The following ZSWIM7 variants were observed in gnomAD, a reference collection of about 807,000 sequenced individuals.
ZSWIM7 encodes zinc finger SWIM domain-containing protein 7.
In ZSWIM7, 22 loss-of-function variants were observed where a neutral mutation model predicts 21.1. The ratio of observed to expected loss-of-function variants is 1.04; its 90% CI spans 0.74 to 1.49. The LOEUF is 1.49. Ranked by LOEUF, ZSWIM7 falls within the 40% of genes most tolerant of loss-of-function variation. The probability of loss-of-function intolerance (pLI) is 0.00; values close to 1 mark genes in which losing one functional copy is unlikely to be tolerated. For synonymous variants in ZSWIM7, 67 were observed against 66.5 expected (o/e 1.01, Z -0.04); for missense variants, 193 against 168.0 (o/e 1.15, Z -0.82).
intron 2 of ZSWIM7, among the ~76,000 whole-genome samples, chr17:15,992,371 A>T (rs1313509201): frequency 2.6e-5 from 4 of 151,326 alleles, no homozygotes; most frequent in African/African-American, 9.7e-5. Context: ...GCAAATAATG[A>T]TAATTGTCTT....
chr17:15,977,930 C>G lies in ZSWIM7; in HGVS notation c.*117G>C. On this transcript the variant is annotated 3_prime_UTR_variant, in exon 5 of 5. Coordinates refer to ENST00000399277, the MANE Select transcript of ZSWIM7 (RefSeq NM_001042697.2). The stretch of plus-strand genomic sequence containing the variant: ...CCTGCAGTCCTGGAGGGAAAAGGGA[C>G]AGTAACATGAAGTGTCTGAAGATCC... 1.2e-6 allele frequency: 1 copy of G among 853,686 alleles called. No homozygotes were observed. Among genetic ancestry groups the G allele is most frequent in the East Asian group, 2.5e-5 (1 of 39,800 alleles). 52.9% of individuals were successfully genotyped at this position (853,686 alleles called of 1,614,324 possible). A position where few individuals can be genotyped will look rare whatever the true frequency, so the allele number is the denominator to read the frequency against.
chr17:15,994,099 C>T (rs1597442280), intron 1 of ZSWIM7, among the ~76,000 whole-genome samples: 1 of 152,202 alleles, frequency 6.6e-6, no homozygotes, highest in Non-Finnish European at 1.5e-5. Flanking sequence ...CAGGCATGCA[C>T]TACCATGCCC....
At chr17:15,979,134 G>GGCCTTCC (rs1236656621) in intron 4 of ZSWIM7, among the ~76,000 whole-genome samples, 2 of 151,310 alleles carry the variant, frequency 1.3e-5, no homozygotes, top group Non-Finnish European at 2.9e-5. Context: ...AGGACCCTGC[G>GGCCTTCC]GCCTTCCGCA....
intron 1 of ZSWIM7, among the ~76,000 whole-genome samples, chr17:15,998,601 C>T (rs1221537449): frequency 6.6e-6 from 1 of 152,094 alleles, no homozygotes; most frequent in African/African-American, 2.4e-5. Flanking sequence ...CTAGCATACT[C>T]TGAACACATC....
rs577482378 is a variant in ZSWIM7, at chr17:15,985,668, T to A, written c.201+1598A>T. Among the ~76,000 whole-genome samples the A allele has an allele frequency of 1.6e-4, 25 of 152,186 alleles. 1 individual carries two copies. Among genetic ancestry groups the A allele is most frequent in the Non-Finnish European group, 2.6e-4 (18 of 68,040 alleles). On this transcript the variant is annotated intron_variant, in intron 3 of 4. Transcript: ENST00000399277. Reference sequence around the variant, plus strand: ...ATAAAGCAATGTAATATATACCAGATGTGAACGACAAAAACTAAACCAGTG... The same window carrying A: ...ATAAAGCAATGTAATATATACCAGAAGTGAACGACAAAAACTAAACCAGTG...
In ZSWIM7 at chr17:15,981,103, A is replaced by G. The variant is rs1425542193; in HGVS notation, c.243T>C (p.Ser81=). 1 of 1,613,902 alleles carries G rather than the reference A, an allele frequency of 6.2e-7. No homozygotes were observed. Among genetic ancestry groups the G allele is most frequent in the East Asian group, 2.2e-5 (1 of 44,882 alleles). Residue 81 remains serine, a synonymous_variant, in exon 4 of 5, where the codon TCT becomes TCC. Transcript: ENST00000399277. The part of the protein sequence containing the change: ...SSSKTYTCLA[S]CHYCSCPAFA... ...ATGCAGGACATGAACAGTAATGACA[A>G]GAAGCCAAACATGTGTATGTTTTAC...
At chr17:15,997,098 A>G (rs1432011378) in intron 1 of ZSWIM7, among the ~76,000 whole-genome samples, 1 of 151,940 alleles carries the variant, frequency 6.6e-6, no homozygotes, top group Non-Finnish European at 1.5e-5. Context: ...TAGGAGGTCA[A>G]AGCTACAGTG....
At chr17:15,987,130 A>T (rs1476139342) in intron 3 of ZSWIM7, 136 bp downstream of exon 3, 2 of 605,626 alleles carry the variant, frequency 3.3e-6, no homozygotes, top group Admixed American at 3.9e-5. Context: ...TCAATTCGTT[A>T]ATTTTACCAA....
At chr17:15,981,673 TCGA>T (rs1970357292) in intron 3 of ZSWIM7, among the ~76,000 whole-genome samples, 1 of 150,968 alleles carries the variant, frequency 6.6e-6, no homozygotes, top group Non-Finnish European at 1.5e-5. Context: ...CTTTGGGAGG[TCGA>T]GGTGGGAGGA....
intron 2 of ZSWIM7, among the ~76,000 whole-genome samples, chr17:15,988,877 G>A (rs938252618): frequency 2.0e-5 from 3 of 151,974 alleles, no homozygotes; most frequent in African/African-American, 4.8e-5. Flanking sequence ...AAAATTAGCC[G>A]GGCGTGGTGG....
rs973013548 is a variant in ZSWIM7, at chr17:15,999,701, G to T, written c.-107C>A. 1.3e-6 allele frequency: 2 copies of T among 1,553,634 alleles called. No homozygotes were observed. Among genetic ancestry groups the T allele is most frequent in the Non-Finnish European group, 8.7e-7 (1 of 1,148,580 alleles). ...CCCCCCGCCGGGGCAGGGCGAGACGGAGTGACGTCGGGGCGCGTCATCGCG... is the reference window on the plus strand; with the variant it reads ...CCCCCCGCCGGGGCAGGGCGAGACGTAGTGACGTCGGGGCGCGTCATCGCG... On this transcript the variant is annotated 5_prime_UTR_variant, in exon 1 of 5. Transcript: ENST00000399277.
intron 2 of ZSWIM7, among the ~76,000 whole-genome samples, chr17:15,990,470 C>T (rs917205198): frequency 1.3e-5 from 2 of 151,872 alleles, no homozygotes; most frequent in Admixed American, 6.6e-5. Context: ...TTTAGCCTCC[C>T]GAGTAGCTGG....
At chr17:15,985,712 C>A (rs886605620) in intron 3 of ZSWIM7, among the ~76,000 whole-genome samples, 3 of 152,122 alleles carry the variant, frequency 2.0e-5, no homozygotes, top group Admixed American at 2.0e-4. Context: ...TACTGTTGAC[C>A]AATGGGAGGA....
At chr17:15,998,964 C>G (rs1278023964) in intron 1 of ZSWIM7, among the ~76,000 whole-genome samples, 1 of 152,112 alleles carries the variant, frequency 6.6e-6, no homozygotes, top group Non-Finnish European at 1.5e-5. Context: ...CCATGTTGGC[C>G]AGGCTGGTCT....
At chr17:15,990,337 GTTATTA>G (rs367797972) in intron 2 of ZSWIM7, among the ~76,000 whole-genome samples, 24 of 150,796 alleles carry the variant, frequency 1.6e-4, no homozygotes, top group African/African-American at 2.9e-4. Context: ...ATAAGTGTGG[GTTATTA>G]TTATTATTAT....
chr17:15,991,381 G>GT (rs1236785922), intron 2 of ZSWIM7, among the ~76,000 whole-genome samples: 1 of 152,066 alleles, frequency 6.6e-6, no homozygotes, highest in Non-Finnish European at 1.5e-5. Context: ...CTGGGTATAT[G>GT]TTCTTTTATG....
intron 1 of ZSWIM7, among the ~76,000 whole-genome samples, chr17:15,995,594 AAAAGAC>A (rs1431231739): frequency 1.3e-4 from 19 of 150,380 alleles, no homozygotes; most frequent in African/African-American, 4.2e-4. Context: ...AAAAAAAAAA[AAAAGAC>A]AGCAGAAATT....
intron 3 of ZSWIM7, among the ~76,000 whole-genome samples, chr17:15,984,054 G>A (rs991558175): frequency 1.3e-5 from 2 of 152,202 alleles, no homozygotes; most frequent in African/African-American, 2.4e-5. Context: ...GCGAGTCCCC[G>A]TCCATCATAA....
In ZSWIM7 at chr17:15,981,059, C is replaced by T. The variant is rs367833082; in HGVS notation, c.287G>A (p.Arg96Gln). Residue 96 changes from arginine to glutamine, a missense_variant, in exon 4 of 5, where the codon CGG (arginine) becomes CAG (glutamine). Transcript: ENST00000399277. ...CCTCACCAGGATGCTGTCACTCTTC[C>T]GTAGCACTGAGAATGCAAATGCAGG... is the stretch of plus-strand genomic sequence containing the variant. The part of the protein sequence containing the change: ...SCPAFAFSVL[R>Q]KSDSILCKHL... 35 of 1,613,304 alleles carry T rather than the reference C, an allele frequency of 2.2e-5. No individual in the cohort carries two copies. Among genetic ancestry groups the T allele is most frequent in the South Asian group, 5.5e-5 (5 of 91,032 alleles).
Sources: gnomAD v4.1 joint callset for allele counts (sites outside exome capture counted in the v4.1 genomes callset) on GRCh38, gnomAD v4.1.1 for gene constraint, MANE v1.5 for transcripts, NCBI Gene and HGNC (gene_info 2026-07-23, HGNC 2026-07-21) for gene names.